TRPM5: variants seen among roughly 807,000 people sequenced by gnomAD.
TRPM5 encodes the protein MLSN1 and TRP-related.
A neutral mutation model predicts 124.9 loss-of-function variants in TRPM5; 121 were observed. The observed-to-expected ratio is 0.97, with a 90% CI of 0.84 to 1.13. The LOEUF (loss-of-function observed/expected upper bound fraction) is 1.13. Among genes scored for constraint, TRPM5 ranks in the 50% most tolerant of loss-of-function variants. The pLI, the probability that TRPM5 is intolerant of heterozygous loss-of-function variation, is 0.00. For missense variants in TRPM5, 1,643 were observed against 1,589.1 expected (o/e 1.03, Z -0.58); for synonymous variants, 781 against 700.5 (o/e 1.11, Z -1.81).
exon 13 of TRPM5, chr11:2,413,507 C>A: frequency 6.2e-7 from 1 of 1,612,138 alleles, no homozygotes. Flanking sequence ...TAGACGAGGG[C>A]GGGGCAGAGG....
chr11:2,423,846 G>A (rs900045024), upstream of TRPM5, among the ~76,000 whole-genome samples: 28 of 152,126 alleles, frequency 1.8e-4, no homozygotes, highest in Admixed American at 7.2e-4. Context: ...CCCTGGCTCC[G>A]CCCCTGCCCA....
chr11:2,414,509 G>A (rs929199472), intron 11 of TRPM5, among the ~76,000 whole-genome samples: 4 of 152,206 alleles, frequency 2.6e-5, no homozygotes, highest in African/African-American at 9.6e-5. Flanking sequence ...TCCTCACCAC[G>A]TGCACAGCGG....
chr11:2,422,391 G>A, intron 1 of TRPM5, 70 bp from the exon 7 acceptor site: 2 of 1,265,168 alleles, frequency 1.6e-6, no homozygotes, highest in Non-Finnish European at 2.2e-6. Context: ...ATTGGGGGGG[G>A]CTGGACACAA....
chr11:2,413,543 G>T, exon 13 of TRPM5: 1 of 1,612,578 alleles, frequency 6.2e-7, no homozygotes, highest in Non-Finnish European at 8.5e-7. Context: ...CGCAGGATGG[G>T]CGTGCCTGCG....
intron 2 of TRPM5, 104 bp from the exon 8 acceptor site, chr11:2,421,302 A>C: frequency 7.2e-7 from 1 of 1,380,646 alleles, no homozygotes; most frequent in South Asian, 1.4e-5. Context: ...GTTACCTGGG[A>C]GCCAGGGGTG....
the TRPM5 span, among the ~76,000 whole-genome samples, chr11:2,433,792 ATG>A: frequency 6.6e-6 from 1 of 152,078 alleles, no homozygotes; most frequent in Admixed American, 6.5e-5. Flanking sequence ...GTGCATGCAT[ATG>A]TGTGGACACC....
At chr11:2,418,636 G>A (rs747913297) in intron 4 of TRPM5, 45 bp from the exon 10 acceptor site, 2 of 1,573,094 alleles carry the variant, frequency 1.3e-6, no homozygotes, top group Non-Finnish European at 8.6e-7. Flanking sequence ...TCCGCCTGGG[G>A]TGACCACCCG....
At chr11:2,433,042 A>G in the TRPM5 span, among the ~76,000 whole-genome samples, 22 of 152,314 alleles carry the variant, frequency 1.4e-4, no homozygotes, top group South Asian at 6.2e-4. Context: ...TCCCCACTCC[A>G]TTAAGTTCCC....
chr11:2,441,088 CAGCCTGAG>C, the TRPM5 span, among the ~76,000 whole-genome samples: 1 of 152,218 alleles, frequency 6.6e-6, no homozygotes, highest in African/African-American at 2.4e-5. This position sits in a 1 kb window ranked among gnomAD's most constrained non-coding sequence, Gnocchi z 7.2. Flanking sequence ...GGCTCTGGGA[CAGCCTGAG>C]AGCCTGAGAG....
At chr11:2,416,609 CGG>C (rs1286535988) in intron 7 of TRPM5, among the ~76,000 whole-genome samples, 1 of 152,114 alleles carries the variant, frequency 6.6e-6, no homozygotes, top group East Asian at 1.9e-4. Context: ...TGAGAAGAGG[CGG>C]GGGAGTTCCT....
At chr11:2,424,562 G>A (rs912849430), upstream of TRPM5, among the ~76,000 whole-genome samples, 15 of 152,374 alleles carry the variant, frequency 9.8e-5, no homozygotes, top group African/African-American at 1.4e-4. Flanking sequence ...ACATTTGGAC[G>A]TAGAGACAGA....
At chr11:2,435,137 C>T in the TRPM5 span, among the ~76,000 whole-genome samples, 3 of 152,040 alleles carry the variant, frequency 2.0e-5, no homozygotes, top group South Asian at 6.2e-4. The surrounding 1 kb of genome is among the most constrained non-coding windows in gnomAD (Gnocchi z 4.1). Flanking sequence ...ATGTGCCAGG[C>T]ACTGTGTCAG....
intron 5 of TRPM5, 53 bp downstream of exon 10, chr11:2,418,474 C>T (rs934330104): frequency 3.1e-5 from 48 of 1,573,524 alleles, no homozygotes; most frequent in African/African-American, 6.8e-5. Flanking sequence ...CAGAACCCAC[C>T]GCACCCCTCC....
intron 4 of TRPM5, among the ~76,000 whole-genome samples, chr11:2,419,417 G>A: frequency 6.7e-6 from 1 of 149,964 alleles, no homozygotes; most frequent in African/African-American, 2.5e-5. Flanking sequence ...AGACCAGCCT[G>A]GCCAACATGG....
intron 3 of TRPM5, 74 bp downstream of exon 8, chr11:2,420,958 C>A: frequency 1.4e-6 from 2 of 1,435,052 alleles, no homozygotes; most frequent in Non-Finnish European, 9.2e-7. Flanking sequence ...CAGAGCTCTG[C>A]CCGCTGCCCA....
chr11:2,424,657 G>C (rs571304398), upstream of TRPM5, among the ~76,000 whole-genome samples: 1 of 152,274 alleles, frequency 6.6e-6, no homozygotes, highest in Non-Finnish European at 1.5e-5. Flanking sequence ...AGGGACACCT[G>C]GAGCCCCGAA....
At chr11:2,414,009 G>GGGGCGCCCCCCCCCCCCCCCCCCC in intron 12 of TRPM5, 52 bp downstream of exon 17, 1 of 1,023,734 alleles carries the variant, frequency 9.8e-7, no homozygotes, top group East Asian at 2.8e-5. Context: ...GGCCCAGCTC[G>GGGGCGCCCCCCCCCCCCCCCCCCC]CCCGCCCACC....
Position 2,418,509 on chromosome 11 carries a change from C to T in TRPM5, c.714+18G>A, listed in dbSNP as rs761628314. 3.1e-6 allele frequency: 5 copies of T among 1,606,536 alleles called. No individual in the cohort carries two copies. Among genetic ancestry groups the T allele is most frequent in the Middle Eastern group, 1.7e-4 (1 of 6,052 alleles). ...CACAAGGCTTCGGCCAGCCAGGGGG[C>T]CTCAGCCAGGCCCCTACCTCCAAGG... On this transcript the variant is annotated intron_variant, in intron 5 of 23. Transcript: ENST00000155858.
At chr11:2,432,693 CTTT>C in the TRPM5 span, among the ~76,000 whole-genome samples, 2 of 152,238 alleles carry the variant, frequency 1.3e-5, no homozygotes, top group Admixed American at 6.5e-5. Flanking sequence ...CCCACTTCTT[CTTT>C]GTCTTAGAGG....
Sources: allele counts gnomAD v4.1 joint callset (sites outside exome capture counted in the v4.1 genomes callset), GRCh38; gene constraint gnomAD v4.1.1; non-coding constraint Gnocchi (gnomAD v3.1); transcripts MANE v1.5; gene names NCBI Gene and HGNC (gene_info 2026-07-23, HGNC 2026-07-21).